The following SMG7 variants were observed in gnomAD, a reference collection of about 807,000 sequenced individuals.
SMG7 encodes nonsense-mediated mRNA decay factor SMG7.
Under a neutral mutation model 148.2 loss-of-function variants are expected in SMG7, and 34 were observed. The observed-to-expected ratio is 0.23, with a 90% CI of 0.17 to 0.31. The LOEUF is 0.31. Ranked by LOEUF, SMG7 falls within the 10% of genes least tolerant of loss-of-function variation. The pLI is 1.00. For synonymous variants in SMG7, 492 were observed against 515.1 expected, an observed-to-expected ratio of 0.96 and a Z score of 0.61; for missense variants, 1,114 against 1,408.4, an observed-to-expected ratio of 0.79 and a Z score of 3.35.
chr1:183,524,375 C>A (rs777643920), intron 4 of SMG7, among the ~76,000 whole-genome samples: 2 of 152,202 alleles, frequency 1.3e-5, no homozygotes, highest in African/African-American at 4.8e-5. Flanking sequence ...TCCGCCTTGA[C>A]CTCCCAAAGT....
intron 4 of SMG7, among the ~76,000 whole-genome samples, chr1:183,520,605 T>TG (rs767647772): frequency 2.0e-5 from 3 of 152,010 alleles, no homozygotes; most frequent in African/African-American, 4.8e-5. Flanking sequence ...CTGGCTCTGT[T>TG]GGGGGGAGGG....
At position 183,552,145 on chromosome 1, in the gene SMG7, G is replaced by A; in HGVS notation, c.*214G>A. The A allele has an allele frequency of 8.0e-7, 1 of 1,247,616 alleles. No homozygotes were observed. The highest frequency in any genetic ancestry group is 3.8e-5 in the Admixed American group (1 of 26,126). The allele number at this position is 1,247,616 out of a possible 1,614,324, so 77.3% of individuals were successfully genotyped here. A position where few individuals can be genotyped will look rare whatever the true frequency, so the allele number is the denominator to read the frequency against. ...ATCAGGAACTCTCCGTCCCCCCGGG[G>A]CCCTCCGGAGGGAGAGAGAGAGGAA... On this transcript the variant is annotated 3_prime_UTR_variant, in exon 23 of 23. Transcript: ENST00000688051.
At chr1:183,476,506 TAGG>T (rs986017391) in intron 1 of SMG7, among the ~76,000 whole-genome samples, 4 of 152,040 alleles carry the variant, frequency 2.6e-5, no homozygotes, top group African/African-American at 9.7e-5. Context: ...GAAATGAAGA[TAGG>T]AGGCAAGAAG....
At chr1:183,522,766 GT>G (rs1558017908) in intron 4 of SMG7, among the ~76,000 whole-genome samples, 2 of 151,258 alleles carry the variant, frequency 1.3e-5, no homozygotes, top group African/African-American at 4.8e-5. Context: ...TGTGAAGATA[GT>G]TTTTTAGTTT....
In SMG7 at chr1:183,472,578, C is replaced by G; in HGVS notation, c.-43C>G. 7.1e-7 allele frequency: 1 copy of G among 1,415,836 alleles called. No individual in the cohort carries two copies. Among genetic ancestry groups the G allele is most frequent in the Non-Finnish European group, 9.3e-7 (1 of 1,074,772 alleles). 87.7% of individuals were successfully genotyped at this position (1,415,836 alleles called of 1,614,324 possible). ...GGGCCGCTCCGAGGAGCCTGAGAGACCCACGGAGGCTTCGCGGGAAGACGC... is the reference window on the plus strand; with the variant it reads ...GGGCCGCTCCGAGGAGCCTGAGAGAGCCACGGAGGCTTCGCGGGAAGACGC... On this transcript the variant is annotated 5_prime_UTR_variant, in exon 1 of 23. Coordinates refer to ENST00000688051, the MANE Select transcript of SMG7 (RefSeq NM_001375584.1).
intron 1 of SMG7, among the ~76,000 whole-genome samples, chr1:183,507,019 C>T (rs562353218): frequency 2.6e-5 from 4 of 151,840 alleles, no homozygotes; most frequent in South Asian, 2.1e-4. Flanking sequence ...GCTGGGACTA[C>T]GGGTACATGC....
At position 183,553,126 on chromosome 1, in the gene SMG7, A is replaced by G; in HGVS notation, c.*1195A>G. ...CTTTCAGAGTGAAATTCAAGGCAGCACGGACATGTGCCCATCAGGCACAGA... is the reference window on the plus strand; with the variant it reads ...CTTTCAGAGTGAAATTCAAGGCAGCGCGGACATGTGCCCATCAGGCACAGA... On this transcript the variant is annotated 3_prime_UTR_variant, in exon 23 of 23. Coordinates refer to ENST00000688051, the MANE Select transcript of SMG7 (RefSeq NM_001375584.1). 6.5e-7 allele frequency: 1 copy of G among 1,536,400 alleles called. No individual in the cohort carries two copies. The highest frequency in any genetic ancestry group is 8.7e-7 in the Non-Finnish European group (1 of 1,146,942).
In SMG7 at chr1:183,552,381, C is replaced by A. The variant is rs1167075097; in HGVS notation, c.*450C>A. On this transcript the variant is annotated 3_prime_UTR_variant, in exon 23 of 23. Transcript: ENST00000688051. ...GACTGAGAATGTAGTTGAAATTATT[C>A]TTAAACATCTTTTATTATTATTACT... is the stretch of plus-strand genomic sequence containing the variant. 1 of 747,668 alleles carries A rather than the reference C, an allele frequency of 1.3e-6. No individual in the cohort carries two copies. Among genetic ancestry groups the A allele is most frequent in the African/African-American group, 3.3e-5 (1 of 30,450 alleles). The allele number at this position is 747,668 out of a possible 1,614,324, so 46.3% of individuals were successfully genotyped here. A position where few individuals can be genotyped will look rare whatever the true frequency, so the allele number is the denominator to read the frequency against.
intron 1 of SMG7, among the ~76,000 whole-genome samples, chr1:183,477,841 T>G (rs781455856): frequency 6.6e-6 from 1 of 152,150 alleles, no homozygotes; most frequent in African/African-American, 2.4e-5. Context: ...TATACATATA[T>G]TTTTTGTATG....
At chr1:183,495,751 C>T (rs757001792) in intron 1 of SMG7, among the ~76,000 whole-genome samples, 9 of 152,082 alleles carry the variant, frequency 5.9e-5, no homozygotes, top group Middle Eastern at 3.4e-3. Context: ...GCCTGTAATC[C>T]CACCTACTCG....
intron 1 of SMG7, among the ~76,000 whole-genome samples, chr1:183,484,829 G>C (rs1451858249): frequency 6.6e-6 from 1 of 151,964 alleles, no homozygotes; most frequent in Non-Finnish European, 1.5e-5. Context: ...TTGACCTGTT[G>C]TTTGAAAGGC....
At chr1:183,535,045 A>G (rs1358390687) in intron 10 of SMG7, among the ~76,000 whole-genome samples, 1 of 152,148 alleles carries the variant, frequency 6.6e-6, no homozygotes, top group Non-Finnish European at 1.5e-5. Flanking sequence ...GCTTCCTTGC[A>G]TAAAATTTTT....
rs1190290383 is a variant in SMG7 at position 183,514,019 on chromosome 1, G to A, written c.61+1151G>A. Among the ~76,000 whole-genome samples, 3 of 96,150 alleles carry A rather than the reference G, an allele frequency of 3.1e-5. No homozygotes were observed. The Admixed American group carries it at 3.7e-4, about 12-fold the overall frequency. 63.1% of individuals were successfully genotyped at this position (96,150 alleles called of 152,430 possible). ...CACTCCAGCCTGGGCGACAGAAAAAGACTCCGTCTCAAAAAAAAAAAAAAA... is the reference window on the plus strand; with the variant it reads ...CACTCCAGCCTGGGCGACAGAAAAAAACTCCGTCTCAAAAAAAAAAAAAAA... On this transcript the variant is annotated intron_variant, in intron 2 of 22. Transcript: ENST00000688051.
intron 1 of SMG7, chr1:183,473,991 A>C (rs1294627031): frequency 4.3e-6 from 2 of 469,698 alleles, no homozygotes; most frequent in East Asian, 3.1e-4. Context: ...GAATGATGAG[A>C]TATTTGAACA....
intron 4 of SMG7, among the ~76,000 whole-genome samples, chr1:183,522,305 G>A (rs910391970): frequency 5.3e-5 from 8 of 152,090 alleles, no homozygotes; most frequent in African/African-American, 1.9e-4. Context: ...TAGTCAGATG[G>A]TAACAGATTT....
In SMG7 at chr1:183,552,443, A is replaced by G. The variant is rs1671218439; in HGVS notation, c.*512A>G. On this transcript the variant is annotated 3_prime_UTR_variant, in exon 23 of 23. Coordinates refer to ENST00000688051, the MANE Select transcript of SMG7 (RefSeq NM_001375584.1). ...AATATCACACTGAATTCTTCCATAC[A>G]CAGGTGTGCTTCTAGTCAGTGTGTA... The G allele has an allele frequency of 2.0e-6, 2 of 992,378 alleles. No homozygotes were observed. The highest frequency in any genetic ancestry group is 9.1e-5 in the South Asian group (2 of 21,866). The allele number at this position is 992,378 out of a possible 1,614,324, so 61.5% of individuals were successfully genotyped here.
intron 2 of SMG7, 54 bp from the exon 3 acceptor site, chr1:183,515,820 T>A: frequency 8.6e-7 from 1 of 1,167,232 alleles, no homozygotes; most frequent in South Asian, 1.3e-5. Flanking sequence ...GTATAATGGT[T>A]TTAACTGCTG....
chr1:183,494,756 C>CTTTTT lies in SMG7; in HGVS notation c.30-18057_30-18053dup, dbSNP rs141159130. On this transcript the variant is annotated intron_variant, in intron 1 of 22. Coordinates refer to ENST00000688051, the MANE Select transcript of SMG7 (RefSeq NM_001375584.1). Reference sequence around the variant, plus strand: ...GATAAGAACTTAGCTAGCCCTTGTTCTTTTTTTTTTTTTTTTTTTTTTTTT... The same window carrying CTTTTT: ...GATAAGAACTTAGCTAGCCCTTGTTCTTTTTTTTTTTTTTTTTTTTTTTTTTTTTT... 3.9e-4 allele frequency among the ~76,000 whole-genome samples: 6 copies of CTTTTT among 15,278 alleles called. 2 individuals carry two copies. The highest frequency in any genetic ancestry group is 6.3e-4 in the African/African-American group (3 of 4,790). 10.0% of individuals were successfully genotyped at this position (15,278 alleles called of 152,430 possible).
chr1:183,543,811 C>T (rs1441774382), intron 14 of SMG7, among the ~76,000 whole-genome samples: 1 of 152,120 alleles, frequency 6.6e-6, no homozygotes, highest in Non-Finnish European at 1.5e-5. Context: ...GGGCCTGTTC[C>T]TTACTGCTGA....
Sources: gnomAD v4.1 joint callset for allele counts (sites outside exome capture counted in the v4.1 genomes callset) on GRCh38, gnomAD v4.1.1 for gene constraint, MANE v1.5 for transcripts, NCBI Gene and HGNC (gene_info 2026-07-23, HGNC 2026-07-21) for gene names.